CASP6: variants seen among roughly 807,000 people sequenced by gnomAD.
CASP6 encodes caspase 6.
In CASP6, 20 loss-of-function variants were observed where a neutral mutation model predicts 31.8. The observed-to-expected ratio is 0.63, with a 90% CI of 0.44 to 0.91. The LOEUF is 0.91. Ranked by LOEUF, CASP6 falls within the 40% of genes least tolerant of loss-of-function variation. The pLI, the probability that CASP6 is intolerant of heterozygous loss-of-function variation, is 0.00. For synonymous variants in CASP6, 130 were observed against 127.8 expected (o/e 1.02, Z -0.12); for missense variants, 328 against 361.1 (o/e 0.91, Z 0.74).
the CASP6 span, chr4:109,674,053 G>A: frequency 2.9e-6 from 4 of 1,377,204 alleles, no homozygotes; most frequent in African/African-American, 5.7e-5. Context: ...CCAAGGCTTT[G>A]TTGTAGGAGC....
chr4:109,700,969 AT>A (rs1730404882), intron 1 of CASP6, among the ~76,000 whole-genome samples: 1 of 151,972 alleles, frequency 6.6e-6, no homozygotes, highest in Non-Finnish European at 1.5e-5. Context: ...TTTTATTACT[AT>A]CTTTTTGGGA....
chr4:109,667,576 A>C, the CASP6 span, among the ~76,000 whole-genome samples: 12 of 150,576 alleles, frequency 8.0e-5, no homozygotes, highest in East Asian at 1.8e-3. Context: ...CCTGTTCTCA[A>C]TTTCATTGGT....
At position 109,696,415 on chromosome 4, in the gene CASP6, T is replaced by A. The variant is rs760424006; in HGVS notation, c.302A>T (p.His101Leu). 8 of 1,611,182 alleles carry A rather than the reference T, an allele frequency of 5.0e-6. No homozygotes were observed. Among genetic ancestry groups the A allele is most frequent in the Middle Eastern group, 1.7e-4 (1 of 6,054 alleles). ...ATGATAGCAAAACTACCTACCCTCA[T>A]GAATTTTGAGCAGTAGTTCTTCTGC... ...LKAEELLLKIHEVSTVSHADA... is the reference protein window; with the variant it reads ...LKAEELLLKILEVSTVSHADA... Residue 101 changes from histidine (H) to leucine (L), a missense_variant, in exon 4 of 7, where the codon CAT becomes CTT. Physicochemically the swap from His to Leu is moderately conservative, Grantham distance 99. Transcript: ENST00000265164.
chr4:109,702,997 A>C, intron 1 of CASP6: 1 of 290,898 alleles, frequency 3.4e-6, no homozygotes, highest in Non-Finnish European at 6.4e-6. Flanking sequence ...GTGTGGGGGA[A>C]CGCCAGGCCC....
chr4:109,706,636 A>G (rs1032466293), upstream of CASP6, among the ~76,000 whole-genome samples: 4 of 152,210 alleles, frequency 2.6e-5, no homozygotes, highest in Non-Finnish European at 4.4e-5. Context: ...AGTGAATGGA[A>G]CAATCAATGG....
chr4:109,690,021 C>A (rs558357631), intron 6 of CASP6, among the ~76,000 whole-genome samples: 1 of 151,656 alleles, frequency 6.6e-6, no homozygotes, highest in Admixed American at 6.6e-5. Context: ...CCCATCTCTA[C>A]TAAAACTACA....
chr4:109,706,168 T>TATATATAC (rs1438834395), upstream of CASP6, among the ~76,000 whole-genome samples: 26 of 92,462 alleles, frequency 2.8e-4, no homozygotes, highest in African/African-American at 6.1e-4. Context: ...TATATATATA[T>TATATATAC]ATACACACAC....
intron 1 of CASP6, among the ~76,000 whole-genome samples, chr4:109,700,392 C>G (rs1190222750): frequency 6.6e-6 from 1 of 152,142 alleles, no homozygotes; most frequent in Non-Finnish European, 1.5e-5. Context: ...GGCATAGTGG[C>G]AAGCCTATAG....
intron 1 of CASP6, among the ~76,000 whole-genome samples, chr4:109,701,605 C>A (rs539529343): frequency 2.6e-5 from 4 of 152,306 alleles, no homozygotes; most frequent in African/African-American, 4.8e-5. Flanking sequence ...CTTTTCACTT[C>A]TCTTCCTTTG....
chr4:109,682,028 A>C, the CASP6 span, among the ~76,000 whole-genome samples: 1 of 152,022 alleles, frequency 6.6e-6, no homozygotes, highest in Non-Finnish European at 1.5e-5. Context: ...ATGATCGGCT[A>C]TTTCTTTACC....
At chr4:109,703,482 C>T (rs923065777), upstream of CASP6, 3 of 1,519,628 alleles carry the variant, frequency 2.0e-6, no homozygotes, top group Non-Finnish European at 2.7e-6. Flanking sequence ...GGCCCTTCCT[C>T]GGCGGCCCCG....
At chr4:109,699,207 A>C (rs1466145735) in intron 1 of CASP6, among the ~76,000 whole-genome samples, 1 of 152,228 alleles carries the variant, frequency 6.6e-6, no homozygotes, top group Non-Finnish European at 1.5e-5. Context: ...CTGATAGCTC[A>C]ACAGCTTAGA....
At position 109,690,844 on chromosome 4, in the gene CASP6, A is replaced by G. The variant is rs373072782; in HGVS notation, c.643+6T>C. On this transcript the variant is annotated splice_donor_region_variant and intron_variant, in intron 6 of 6. Coordinates refer to ENST00000265164, the MANE Select transcript of CASP6 (RefSeq NM_001226.4). ...CAATTATATGTTTGTTTTAAACACC[A>G]CACACCTTCTGCAACAGAGTAACAC... is the stretch of plus-strand genomic sequence containing the variant. 22 of 1,601,972 alleles carry G rather than the reference A, an allele frequency of 1.4e-5. No homozygotes were observed. The highest frequency in any genetic ancestry group is 1.7e-5 in the Non-Finnish European group (20 of 1,174,676).
At chr4:109,703,200 C>A (rs1205661496) in intron 1 of CASP6, among the ~76,000 whole-genome samples, 156 bp downstream of exon 1, 1 of 152,150 alleles carries the variant, frequency 6.6e-6, no homozygotes, top group Non-Finnish European at 1.5e-5. Flanking sequence ...CTGAGCGCTT[C>A]AATCCAAGAG....
At chr4:109,704,935 C>T (rs1280161893), upstream of CASP6, among the ~76,000 whole-genome samples, 2 of 152,282 alleles carry the variant, frequency 1.3e-5, no homozygotes, top group East Asian at 1.9e-4. Context: ...GAACTCCTGA[C>T]CTTGAGCAAT....
At chr4:109,685,489 G>A (rs868798505), downstream of CASP6, 6 of 511,712 alleles carry the variant, frequency 1.2e-5, no homozygotes, top group South Asian at 1.8e-4. Context: ...GTGTGTTGTG[G>A]GATTGTTCAT....
chr4:109,703,614 C>T, upstream of CASP6: 1 of 594,636 alleles, frequency 1.7e-6, no homozygotes, highest in Non-Finnish European at 2.9e-6. Flanking sequence ...CCGCGGGGAC[C>T]AAGAGCGCGG....
chr4:109,681,472 A>G, the CASP6 span: 8 of 453,820 alleles, frequency 1.8e-5, no homozygotes, highest in African/African-American at 1.4e-4. Flanking sequence ...AGAACTCCCA[A>G]GATGGTCGTG....
the CASP6 span, among the ~76,000 whole-genome samples, chr4:109,677,054 C>G: frequency 1.3e-5 from 2 of 152,232 alleles, no homozygotes; most frequent in African/African-American, 4.8e-5. Flanking sequence ...GCCATGGGGG[C>G]AGGACTGCCC....
Sources: allele counts gnomAD v4.1 joint callset (sites outside exome capture counted in the v4.1 genomes callset), GRCh38; gene constraint gnomAD v4.1.1; transcripts MANE v1.5; gene names NCBI Gene and HGNC (gene_info 2026-07-23, HGNC 2026-07-21).